Variants in WDR7 observed in about 807,000 individuals in gnomAD.
WDR7 encodes the protein WD repeat domain 7, also known as WD repeat-containing protein 7.
WDR7 carries 46 observed loss-of-function variants against 169.4 expected under a neutral mutation model. That is an observed-to-expected ratio of 0.27 (90% CI 0.21 to 0.35). WDR7 has a LOEUF of 0.35. WDR7 is among the 10% of genes least tolerant of loss of function. The pLI, the probability that WDR7 is intolerant of heterozygous loss-of-function variation, is 1.00. For synonymous variants in WDR7, 612 were observed against 666.8 expected, an observed-to-expected ratio of 0.92 and a Z score of 1.27; for missense variants, 1,534 against 1,859.3, an observed-to-expected ratio of 0.83 and a Z score of 3.22.
intron 19 of WDR7, among the ~76,000 whole-genome samples, chr18:56,784,639 T>C (rs1381582675): frequency 1.3e-5 from 2 of 152,230 alleles, no homozygotes; most frequent in Admixed American, 6.5e-5. Context: ...TTTCAGACAC[T>C]GTTCTTTGCA....
intron 14 of WDR7, among the ~76,000 whole-genome samples, chr18:56,734,305 C>T (rs1245010485): frequency 6.6e-6 from 1 of 152,034 alleles, no homozygotes; most frequent in Admixed American, 6.6e-5. Context: ...CATGATAACT[C>T]ATTTGTGACA....
In WDR7 at chr18:56,705,843, A is replaced by T. The variant is rs558722943; in HGVS notation, c.1578+9381A>T. Among the ~76,000 whole-genome samples the T allele has an allele frequency of 3.3e-5, 5 of 152,234 alleles. No homozygotes were observed. In the East Asian group the frequency reaches 9.7e-4, roughly 29 times the overall value. On this transcript the variant is annotated intron_variant, in intron 12 of 27. Coordinates refer to ENST00000254442, the MANE Select transcript of WDR7 (RefSeq NM_015285.3). ...GAAACCCCATCTCTATTAAATACAA[A>T]AAAAATTAGCTGGGTGTGGTGGCGC...
intron 25 of WDR7, among the ~76,000 whole-genome samples, chr18:56,948,379 G>GT (rs1321486842): frequency 6.6e-6 from 1 of 151,158 alleles, no homozygotes; most frequent in East Asian, 1.9e-4. Context: ...TAATTTTATG[G>GT]TTTTCAAAGA....
intron 19 of WDR7, among the ~76,000 whole-genome samples, chr18:56,782,744 G>T (rs913656257): frequency 6.6e-6 from 1 of 152,082 alleles, no homozygotes; most frequent in Non-Finnish European, 1.5e-5. Context: ...ATTCAGAAAG[G>T]TTTATAACTT....
chr18:56,841,281 C>T (rs745541144), intron 20 of WDR7, among the ~76,000 whole-genome samples: 1 of 152,052 alleles, frequency 6.6e-6, no homozygotes, highest in East Asian at 1.9e-4. Context: ...GTGGCCCACA[C>T]CTGTAATCCC....
intron 14 of WDR7, 63 bp downstream of exon 14, chr18:56,731,660 G>A: frequency 2.2e-6 from 3 of 1,354,024 alleles, no homozygotes; most frequent in Non-Finnish European, 3.0e-6. Context: ...TAGTAACATG[G>A]CTTTGGCATA....
intron 27 of WDR7, among the ~76,000 whole-genome samples, chr18:57,023,454 G>A (rs1046075686): frequency 5.3e-5 from 8 of 152,216 alleles, no homozygotes; most frequent in African/African-American, 1.9e-4. Context: ...GTGAGACTTA[G>A]TAAGGTCTGT....
intron 21 of WDR7, among the ~76,000 whole-genome samples, chr18:56,887,957 C>A (rs2046218279): frequency 6.6e-6 from 1 of 152,116 alleles, no homozygotes; most frequent in Non-Finnish European, 1.5e-5. Context: ...TGCATTGCTA[C>A]CATTAAATAT....
rs560955883 is a variant in WDR7, at chr18:56,698,388, C to T, written c.1578+1926C>T. Among the ~76,000 whole-genome samples the T allele has an allele frequency of 1.1e-4, 17 of 152,092 alleles. No homozygotes were observed. The South Asian group carries it at 2.9e-3, about 26-fold the overall frequency. On this transcript the variant is annotated intron_variant, in intron 12 of 27. Coordinates refer to ENST00000254442, the MANE Select transcript of WDR7 (RefSeq NM_015285.3). ...TTGGGAGGCTGAGAGGGGCGGATCACGAGGTCAGGAGATCAAGACCATCCT... is the reference window on the plus strand; with the variant it reads ...TTGGGAGGCTGAGAGGGGCGGATCATGAGGTCAGGAGATCAAGACCATCCT...
intron 1 of WDR7, among the ~76,000 whole-genome samples, chr18:56,662,146 G>T (rs570786084): frequency 5.9e-5 from 9 of 152,334 alleles, no homozygotes; most frequent in Admixed American, 2.0e-4. Context: ...GCATCCTCGT[G>T]AGAGAAAATT....
chr18:56,787,376 C>T (rs2044417911), intron 19 of WDR7, among the ~76,000 whole-genome samples: 1 of 152,126 alleles, frequency 6.6e-6, no homozygotes, highest in Non-Finnish European at 1.5e-5. Flanking sequence ...AAAGTCACTA[C>T]CATTATATAA....
chr18:56,718,806 C>G (rs1299089743), intron 13 of WDR7, among the ~76,000 whole-genome samples: 2 of 152,190 alleles, frequency 1.3e-5, no homozygotes, highest in African/African-American at 4.8e-5. Context: ...CACTAATCAT[C>G]TATCAGTTAT....
At chr18:56,706,998 T>G (rs1406906464) in intron 12 of WDR7, among the ~76,000 whole-genome samples, 3 of 151,072 alleles carry the variant, frequency 2.0e-5, no homozygotes, top group Non-Finnish European at 3.0e-5. Context: ...ATTTTTTTTT[T>G]TGAGAGAGAG....
chr18:56,877,697 G>T (rs192285989), intron 20 of WDR7, among the ~76,000 whole-genome samples: 5 of 152,048 alleles, frequency 3.3e-5, no homozygotes, highest in Non-Finnish European at 7.4e-5. Flanking sequence ...GTTTATCCAG[G>T]GTTTACCCCA....
At chr18:56,962,857 A>G (rs1308853625) in intron 26 of WDR7, among the ~76,000 whole-genome samples, 1 of 152,136 alleles carries the variant, frequency 6.6e-6, no homozygotes, top group East Asian at 1.9e-4. Flanking sequence ...GTTTGATGAT[A>G]TGTTATTATG....
At chr18:56,739,446 A>T (rs1343474795) in intron 14 of WDR7, among the ~76,000 whole-genome samples, 1 of 152,020 alleles carries the variant, frequency 6.6e-6, no homozygotes, top group Non-Finnish European at 1.5e-5. Flanking sequence ...ATGCATTGTA[A>T]CTTTACATAT....
At chr18:56,894,925 AAC>A (rs2046310435) in intron 21 of WDR7, among the ~76,000 whole-genome samples, 1 of 152,142 alleles carries the variant, frequency 6.6e-6, no homozygotes, top group Admixed American at 6.6e-5. Flanking sequence ...TGATTATTTC[AAC>A]AGAAGTAAAA....
chr18:56,960,009 A>G (rs1017854783), intron 25 of WDR7, among the ~76,000 whole-genome samples: 9 of 152,216 alleles, frequency 5.9e-5, no homozygotes, highest in Non-Finnish European at 1.2e-4. Context: ...TTTTGTTAAG[A>G]GAGCCACTGC....
chr18:56,657,192 C>G (rs2024795057), intron 1 of WDR7, among the ~76,000 whole-genome samples: 1 of 149,856 alleles, frequency 6.7e-6, no homozygotes, highest in South Asian at 2.1e-4. Context: ...GAGTCTCACT[C>G]TGTTGCCCAG....
Sources: gnomAD v4.1 joint callset for allele counts (sites outside exome capture counted in the v4.1 genomes callset) on GRCh38, gnomAD v4.1.1 for gene constraint, MANE v1.5 for transcripts, NCBI Gene and HGNC (gene_info 2026-07-23, HGNC 2026-07-21) for gene names.